The following CENPE variants were observed in gnomAD, a reference collection of about 807,000 sequenced individuals.
CENPE encodes the protein centromere-associated protein E.
Under a neutral mutation model 336.1 loss-of-function variants are expected in CENPE, and 145 were observed. That is an observed-to-expected ratio of 0.43 (90% CI 0.38 to 0.50). CENPE has a LOEUF of 0.50. Ranked by LOEUF, CENPE falls within the 20% of genes least tolerant of loss-of-function variation. The pLI is 0.00. For synonymous variants in CENPE, 1,013 were observed against 984.8 expected (o/e 1.03, Z -0.54); for missense variants, 2,719 against 3,023.3 (o/e 0.90, Z 2.36).
chr4:103,198,133 G>T (rs913902720), intron 1 of CENPE, 131 bp downstream of exon 1: 1 of 804,712 alleles, frequency 1.2e-6, no homozygotes, highest in Non-Finnish European at 2.0e-6. Flanking sequence ...TGAAACGATG[G>T]CCAGCAGCCG....
rs1199865654 is a variant in CENPE, at chr4:103,196,033, T to C, written c.244A>G (p.Ile82Val). 9 of 1,611,350 alleles carry C rather than the reference T, an allele frequency of 5.6e-6. No individual in the cohort carries two copies. Among genetic ancestry groups the C allele is most frequent in the African/African-American group, 1.3e-5 (1 of 74,946 alleles). The change falls in exon 4 of 49, where the codon ATA (isoleucine) becomes GTA (valine). Residue 82 changes from isoleucine to valine, a missense_variant. Transcript: ENST00000265148. ...GAAGCAGTCTGTCCATAGGCAAATATAGTACCTGCAAAAAACAAAACACAC... is the reference window on the plus strand; with the variant it reads ...GAAGCAGTCTGTCCATAGGCAAATACAGTACCTGCAAAAAACAAAACACAC... ...DSAIQGYNGT[I>V]FAYGQTASGK... is the part of the protein sequence containing the mutation.
At position 103,144,339 on chromosome 4, in the gene CENPE, T is replaced by C. The variant is rs921819934; in HGVS notation, c.5137A>G (p.Ile1713Val). ...DQLKENLRET[I>V]TRDLEKQEEL... The stretch of plus-strand genomic sequence containing the variant: ...GAGAGATGGTAACTCACTCTAGTTA[T>C]AGTTTCTCTAAGGTTTTCCTTGAGC... Residue 1713 changes from isoleucine (I) to valine (V), a missense_variant, in exon 33 of 49, where the codon ATA becomes GTA. Physicochemically the swap from Ile to Val is conservative, Grantham distance 29. This residue lies in a region of CENPE where 2,437 missense variants were observed against 2,513.3 expected (regional missense o/e 0.97). Transcript: ENST00000265148. 2.5e-6 allele frequency: 4 copies of C among 1,601,964 alleles called. No homozygotes were observed. The highest frequency in any genetic ancestry group is 3.4e-6 in the Non-Finnish European group (4 of 1,176,238).
intron 16 of CENPE, among the ~76,000 whole-genome samples, chr4:103,174,302 T>C (rs1755669891): frequency 6.6e-6 from 1 of 151,990 alleles, no homozygotes; most frequent in Non-Finnish European, 1.5e-5. Flanking sequence ...GCTGATCTCT[T>C]AGAAGTACAA....
chr4:103,179,439 G>A (rs1162208665), intron 13 of CENPE, among the ~76,000 whole-genome samples: 4 of 152,170 alleles, frequency 2.6e-5, no homozygotes, highest in African/African-American at 9.7e-5. Context: ...CCAAGCTTTT[G>A]TACATGTAGG....
In CENPE at chr4:103,120,173, G is replaced by C; in HGVS notation, c.7304C>G (p.Thr2435Arg). ...CTGAAGTACTTGAATTGTCTCTTTTGTTTTTTCAAGGCATTTATTTGATTC... is the reference window on the plus strand; with the variant it reads ...CTGAAGTACTTGAATTGTCTCTTTTCTTTTTTCAAGGCATTTATTTGATTC... ...VHESNKCLEK[T>R]KETIQVLQDK... Residue 2435 changes from threonine (T) to arginine (R), a missense_variant, in exon 44 of 49, where the codon ACA becomes AGA. Coordinates refer to ENST00000265148, the MANE Select transcript of CENPE (RefSeq NM_001813.3). 6.2e-7 allele frequency: 1 copy of C among 1,601,912 alleles called. No homozygotes were observed. The highest frequency in any genetic ancestry group is 8.5e-7 in the Non-Finnish European group (1 of 1,176,224).
intron 43 of CENPE, among the ~76,000 whole-genome samples, chr4:103,122,538 A>G (rs940018487): frequency 6.6e-6 from 1 of 152,224 alleles, no homozygotes; most frequent in Non-Finnish European, 1.5e-5. Context: ...TGTTCTGCAT[A>G]CGGACATAGA....
At chr4:103,171,158 G>T (rs546098622) in intron 16 of CENPE, among the ~76,000 whole-genome samples, 2 of 152,130 alleles carry the variant, frequency 1.3e-5, no homozygotes, top group African/African-American at 4.8e-5. Flanking sequence ...GATTTAAACT[G>T]CAGTCTAGAC....
intron 46 of CENPE, among the ~76,000 whole-genome samples, chr4:103,113,514 AAT>A (rs1359358559): frequency 2.1e-5 from 3 of 140,400 alleles, no homozygotes; most frequent in Non-Finnish European, 4.6e-5. Context: ...TATATATTAT[AAT>A]ATATATTATA....
Position 103,141,855 on chromosome 4 carries a change from C to A in CENPE, c.5358G>T (p.Gln1786His). The A allele has an allele frequency of 3.1e-6, 5 of 1,602,934 alleles. No homozygotes were observed. Among genetic ancestry groups the A allele is most frequent in the East Asian group, 4.5e-5 (2 of 44,524 alleles). ...CTCTGAGTTTGTCAATAGTTTCCTGCTGCTCTTTCAGATGCATGTGAGCAA... is the reference window on the plus strand; with the variant it reads ...CTCTGAGTTTGTCAATAGTTTCCTGATGCTCTTTCAGATGCATGTGAGCAA... ...LRIAHMHLKE[Q>H]QETIDKLRGI... The change falls in exon 35 of 49, where the codon CAG (glutamine) becomes CAT (histidine). Residue 1786 changes from glutamine to histidine, a missense_variant. Gln to His is a conservative substitution (Grantham distance 24). Coordinates refer to ENST00000265148, the MANE Select transcript of CENPE (RefSeq NM_001813.3).
At chr4:103,149,682 G>A (rs189294257) in intron 26 of CENPE, among the ~76,000 whole-genome samples, 1 of 152,250 alleles carries the variant, frequency 6.6e-6, no homozygotes, top group South Asian at 2.1e-4. Context: ...ACTGGAGTAG[G>A]TCTTCATTCC....
chr4:103,135,388 T>C (rs1751978156), intron 40 of CENPE, among the ~76,000 whole-genome samples: 2 of 152,190 alleles, frequency 1.3e-5, no homozygotes, highest in South Asian at 4.1e-4. Context: ...TGTTTCTCTT[T>C]CTTTTTTATT....
intron 16 of CENPE, among the ~76,000 whole-genome samples, chr4:103,173,339 T>G (rs1393507218): frequency 6.6e-6 from 1 of 151,986 alleles, no homozygotes; most frequent in Non-Finnish European, 1.5e-5. Context: ...CTGTCTCTCA[T>G]CATATACAAG....
chr4:103,158,744 T>G lies in CENPE; in HGVS notation c.2744A>C (p.Glu915Ala), dbSNP rs773660196. 5.0e-6 allele frequency: 8 copies of G among 1,613,132 alleles called. No homozygotes were observed. In the Admixed American group the frequency reaches 1.3e-4, roughly 27 times the overall value. The change falls in exon 23 of 49, where the codon GAG becomes GCG. Residue 915 changes from glutamate (E) to alanine (A), a missense_variant. Transcript: ENST00000265148. ...TTCTTCTAAAGTTTGCTGCAGTTTC[T>G]CAGTAATCAGTGTTTTCTCCCTTTC... ...TVEREKTLIT[E>A]KLQQTLEEVK... is the part of the protein sequence containing the mutation.
In CENPE at chr4:103,180,329, C is replaced by T. The variant is rs200266828; in HGVS notation, c.1224G>A (p.Thr408=). The T allele has an allele frequency of 2.6e-5, 42 of 1,610,816 alleles. No individual in the cohort carries two copies. Among genetic ancestry groups the T allele is most frequent in the Middle Eastern group, 1.6e-4 (1 of 6,066 alleles). Residue 408 remains threonine, a synonymous_variant, in exon 13 of 49, where the codon ACG becomes ACA. Transcript: ENST00000265148. ...ATTTTACCTTTAATTCCTGTTGCAA[C>T]GTGAGGGAAGAAGAGGTCACCAGCA... ...TRMLVTSSSL[T]LQQELKAKRK...
intron 16 of CENPE, among the ~76,000 whole-genome samples, chr4:103,173,224 G>C (rs981525227): frequency 6.6e-6 from 1 of 151,984 alleles, no homozygotes; most frequent in African/African-American, 2.4e-5. Flanking sequence ...ACTGATTTTT[G>C]ACAAAAGTGC....
Position 103,180,485 on chromosome 4 carries a change from T to C in CENPE, c.1084-16A>G, listed in dbSNP as rs1033452334. 2.3e-5 allele frequency: 36 copies of C among 1,567,034 alleles called. No homozygotes were observed. The highest frequency in any genetic ancestry group is 2.9e-5 in the Non-Finnish European group (34 of 1,154,554). On this transcript the variant is annotated splice_polypyrimidine_tract_variant and intron_variant, in intron 12 of 48. Coordinates refer to ENST00000265148, the MANE Select transcript of CENPE (RefSeq NM_001813.3). ...CTAAAGAAACCTATAGAATGCAATA[T>C]TGGATTATGTTAATAATAAATGTGG...
At chr4:103,153,346 T>C (rs1753715413) in intron 24 of CENPE, 96 bp from the exon 25 acceptor site, 1 of 734,616 alleles carries the variant, frequency 1.4e-6, no homozygotes, top group Non-Finnish European at 2.2e-6. Context: ...ATGTGCCAGG[T>C]ACTATTCTCA....
chr4:103,165,233 A>G (rs994531322), intron 16 of CENPE, among the ~76,000 whole-genome samples: 5 of 152,328 alleles, frequency 3.3e-5, no homozygotes, highest in Admixed American at 2.0e-4. Context: ...GCAGATTTAA[A>G]TGGTAATTGT....
chr4:103,160,489 T>A (rs369975822), intron 21 of CENPE, 136 bp downstream of exon 21: 1 of 607,528 alleles, frequency 1.6e-6, no homozygotes, highest in African/African-American at 1.9e-5. Context: ...TCATTTCTAT[T>A]TCTAACTAGT....
Sources: gnomAD v4.1 joint callset for allele counts (sites outside exome capture counted in the v4.1 genomes callset) on GRCh38, gnomAD v4.1.1 for gene constraint, gnomAD v4.1.1 regional missense constraint, MANE v1.5 for transcripts, NCBI Gene and HGNC (gene_info 2026-07-23, HGNC 2026-07-21) for gene names.